Variants in ADAMTS12 observed in about 807,000 individuals in gnomAD.
ADAMTS12 encodes the protein ADAM metallopeptidase with thrombospondin type 1 motif 12, also known as A disintegrin and metalloproteinase with thrombospondin motifs 12.
In ADAMTS12, 118 loss-of-function variants were observed where a neutral mutation model predicts 167.8. The ratio of observed to expected loss-of-function variants is 0.70; its 90% CI spans 0.61 to 0.82. The LOEUF (loss-of-function observed/expected upper bound fraction) is 0.82. ADAMTS12 is among the 40% of genes least tolerant of loss of function. The pLI is 0.00. For missense variants in ADAMTS12, 1,916 were observed against 1,998.8 expected (o/e 0.96, Z 0.79); for synonymous variants, 704 against 716.9 (o/e 0.98, Z 0.29).
chr5:33,700,740 T>C (rs1742970753), intron 3 of ADAMTS12, among the ~76,000 whole-genome samples: 1 of 152,196 alleles, frequency 6.6e-6, no homozygotes, highest in African/African-American at 2.4e-5. Flanking sequence ...TGTCAATATC[T>C]TGGTTGTGAT....
intron 2 of ADAMTS12, among the ~76,000 whole-genome samples, chr5:33,837,395 T>A (rs1047098443): frequency 2.0e-5 from 3 of 152,226 alleles, no homozygotes; most frequent in Non-Finnish European, 4.4e-5. Flanking sequence ...GAGTTGCTGC[T>A]TTTAATTACC....
At chr5:33,791,177 T>C (rs1475554409) in intron 2 of ADAMTS12, among the ~76,000 whole-genome samples, 1 of 152,196 alleles carries the variant, frequency 6.6e-6, no homozygotes, top group Non-Finnish European at 1.5e-5. Context: ...CTCTTGACTC[T>C]CAGCAAGAAT....
At chr5:33,586,570 G>A (rs6895632) in intron 18 of ADAMTS12, among the ~76,000 whole-genome samples, 6,870 of 152,252 alleles carry the variant, frequency 0.045, 497 homozygotes, top group African/African-American at 0.15. Flanking sequence ...TCCCATAAAC[G>A]TGAACACATT....
chr5:33,802,223 T>C (rs1278701117), intron 2 of ADAMTS12, among the ~76,000 whole-genome samples: 1 of 152,238 alleles, frequency 6.6e-6, no homozygotes, highest in Non-Finnish European at 1.5e-5. Flanking sequence ...ACATATAGTA[T>C]TTTGTTATAG....
In ADAMTS12 at chr5:33,721,122, G is replaced by C. The variant is rs1439643054; in HGVS notation, c.634+30282C>G. Among the ~76,000 whole-genome samples, 3 of 152,284 alleles carry C rather than the reference G, an allele frequency of 2.0e-5. No individual in the cohort carries two copies. In the East Asian group the frequency reaches 5.8e-4, roughly 29 times the overall value. On this transcript the variant is annotated intron_variant, in intron 3 of 23. Transcript: ENST00000504830. ...TGACAGAAAAAAGCCAGACACGAGA[G>C]AGAGTGTATTATTTCACCCATATGA... is the stretch of plus-strand genomic sequence containing the variant.
chr5:33,814,122 A>T (rs1233624987), intron 2 of ADAMTS12, among the ~76,000 whole-genome samples: 2 of 152,092 alleles, frequency 1.3e-5, no homozygotes, highest in Non-Finnish European at 2.9e-5. Flanking sequence ...CCAATGTATC[A>T]ATCTTTTCCT....
chr5:33,636,693 A>C (rs1018982397), intron 12 of ADAMTS12, among the ~76,000 whole-genome samples: 1 of 152,238 alleles, frequency 6.6e-6, no homozygotes, highest in Non-Finnish European at 1.5e-5. Context: ...CTCAAAAATC[A>C]TGAAAAATTT....
chr5:33,663,986 G>A (rs1741377624), intron 5 of ADAMTS12, among the ~76,000 whole-genome samples: 1 of 152,070 alleles, frequency 6.6e-6, no homozygotes, highest in East Asian at 1.9e-4. Context: ...ATTATAAAAT[G>A]CTGCTTAAAG....
intron 2 of ADAMTS12, among the ~76,000 whole-genome samples, chr5:33,782,289 T>C (rs569556034): frequency 5.6e-4 from 85 of 151,142 alleles, no homozygotes; most frequent in Non-Finnish European, 9.4e-4. Flanking sequence ...AAAAAGAAAA[T>C]AGTTTAAAAA....
chr5:33,842,014 C>T (rs1376715243), intron 2 of ADAMTS12, among the ~76,000 whole-genome samples: 2 of 152,126 alleles, frequency 1.3e-5, no homozygotes, highest in Admixed American at 6.5e-5. Context: ...TCATGATCTC[C>T]CTGAACACCT....
chr5:33,721,118 G>A (rs1022841159), intron 3 of ADAMTS12, among the ~76,000 whole-genome samples: 2 of 152,142 alleles, frequency 1.3e-5, no homozygotes, highest in Non-Finnish European at 2.9e-5. Context: ...AGCCAGACAC[G>A]AGAGAGAGTG....
chr5:33,802,208 C>A (rs1288321784), intron 2 of ADAMTS12, among the ~76,000 whole-genome samples: 2 of 152,162 alleles, frequency 1.3e-5, no homozygotes. Context: ...ATTGATAAGC[C>A]ACTCACATAT....
At chr5:33,872,080 A>G (rs1302440489) in intron 2 of ADAMTS12, among the ~76,000 whole-genome samples, 1 of 152,240 alleles carries the variant, frequency 6.6e-6, no homozygotes, top group Non-Finnish European at 1.5e-5. Context: ...ACCCTCCAAA[A>G]GAAAAATCAT....
At chr5:33,563,274 A>C (rs1745836295) in intron 19 of ADAMTS12, among the ~76,000 whole-genome samples, 1 of 152,186 alleles carries the variant, frequency 6.6e-6, no homozygotes, top group African/African-American at 2.4e-5. Flanking sequence ...TGCTCTTTGC[A>C]AGGGGACTTT....
intron 2 of ADAMTS12, among the ~76,000 whole-genome samples, chr5:33,798,457 T>C (rs1746867064): frequency 7.9e-6 from 1 of 125,822 alleles, no homozygotes; most frequent in Admixed American, 7.9e-5. Context: ...TTTTTTTTTT[T>C]TGAGATGGAG....
chr5:33,726,084 T>A (rs1743971006), intron 3 of ADAMTS12, among the ~76,000 whole-genome samples: 1 of 152,164 alleles, frequency 6.6e-6, no homozygotes, highest in African/African-American at 2.4e-5. Context: ...AATCCAAGCC[T>A]CCCATGTCCT....
intron 2 of ADAMTS12, among the ~76,000 whole-genome samples, chr5:33,816,976 G>A (rs1167938013): frequency 2.6e-5 from 4 of 152,224 alleles, no homozygotes; most frequent in African/African-American, 7.2e-5. Context: ...TGTAGTTTAC[G>A]GTGCTTCCTC....
rs759644716 is a variant in ADAMTS12 at position 33,549,320 on chromosome 5, G to A, written c.4189C>T (p.His1397Tyr). Residue 1397 changes from histidine (H) to tyrosine (Y), a missense_variant, in exon 21 of 24, where the codon CAC becomes TAC. Coordinates refer to ENST00000504830, the MANE Select transcript of ADAMTS12 (RefSeq NM_030955.4). ...CAGTGAAATGGCCTCAGGTTCCGGT[G>A]GTCCCGGCTGTCCACGCACTGAATC... The part of the protein sequence containing the change: ...REIQCVDSRD[H>Y]RNLRPFHCQF... The A allele has an allele frequency of 6.2e-7, 1 of 1,614,196 alleles. No homozygotes were observed. Among genetic ancestry groups the A allele is most frequent in the Non-Finnish European group, 8.5e-7 (1 of 1,180,032 alleles).
chr5:33,643,758 A>C (rs1457973421), intron 9 of ADAMTS12, among the ~76,000 whole-genome samples: 1 of 152,242 alleles, frequency 6.6e-6, no homozygotes, highest in Non-Finnish European at 1.5e-5. Flanking sequence ...TTGGCACAAT[A>C]TCCAGCCCTC....
Sources: gnomAD v4.1 joint callset for allele counts (sites outside exome capture counted in the v4.1 genomes callset) on GRCh38, gnomAD v4.1.1 for gene constraint, MANE v1.5 for transcripts, NCBI Gene and HGNC (gene_info 2026-07-23, HGNC 2026-07-21) for gene names.